FIGN: variants seen among roughly 807,000 people sequenced by gnomAD.
The protein encoded by FIGN is fidgetin.
A neutral mutation model predicts 51.3 loss-of-function variants in FIGN; 11 were observed. The ratio of observed to expected loss-of-function variants is 0.21; its 90% CI spans 0.13 to 0.35. The LOEUF (loss-of-function observed/expected upper bound fraction) is 0.35, where lower values mean the gene tolerates loss of function less well. Among genes scored for constraint, FIGN ranks in the 10% least tolerant of loss-of-function variants. FIGN has a pLI of 1.00. For synonymous variants in FIGN, 407 were observed against 363.2 expected (o/e 1.12, Z -1.37); for missense variants, 857 against 943.6 (o/e 0.91, Z 1.20).
chr2:163,684,522 C>T (rs1052831256), intron 2 of FIGN, among the ~76,000 whole-genome samples: 1 of 152,080 alleles, frequency 6.6e-6, no homozygotes, highest in Non-Finnish European at 1.5e-5. Flanking sequence ...GAATTTAACC[C>T]ATTAGGTCTC....
At chr2:163,702,652 C>T (rs1048589376) in intron 2 of FIGN, among the ~76,000 whole-genome samples, 20 of 152,024 alleles carry the variant, frequency 1.3e-4, no homozygotes, top group Non-Finnish European at 2.2e-4. Context: ...CAATTATGAA[C>T]ATCATATGAT....
chr2:163,695,408 C>T (rs1162042154), intron 2 of FIGN, among the ~76,000 whole-genome samples: 2 of 152,164 alleles, frequency 1.3e-5, no homozygotes, highest in African/African-American at 2.4e-5. Flanking sequence ...CTCTCCCCAC[C>T]TTCTCTTATT....
intron 2 of FIGN, among the ~76,000 whole-genome samples, chr2:163,704,613 C>CTCTCTCTT: frequency 1.2e-5 from 1 of 80,388 alleles, no homozygotes; most frequent in East Asian, 4.1e-4. Context: ...AACCCACAGA[C>CTCTCTCTT]TGTCTCTCTC....
At chr2:163,626,107 C>T (rs1433321363) in intron 2 of FIGN, among the ~76,000 whole-genome samples, 3 of 152,024 alleles carry the variant, frequency 2.0e-5, no homozygotes, top group Non-Finnish European at 4.4e-5. Context: ...ATCAATAGGG[C>T]CATGAGAACC....
intron 2 of FIGN, among the ~76,000 whole-genome samples, chr2:163,634,223 A>T (rs1215949857): frequency 6.6e-6 from 1 of 151,978 alleles, no homozygotes; most frequent in African/African-American, 2.4e-5. Context: ...AACATAAATA[A>T]AGTGACCATT....
intron 2 of FIGN, among the ~76,000 whole-genome samples, chr2:163,654,911 AAGG>A (rs145556081): frequency 0.021 from 3,138 of 152,260 alleles, 105 homozygotes; most frequent in African/African-American, 0.071. Flanking sequence ...TTTATTCCCA[AAGG>A]AGGAGCGTAC....
At chr2:163,619,055 A>T (rs1017164060) in intron 2 of FIGN, among the ~76,000 whole-genome samples, 10 of 152,124 alleles carry the variant, frequency 6.6e-5, no homozygotes, top group African/African-American at 2.2e-4. Context: ...TGGTATCTTA[A>T]AAAACTGGTC....
intron 2 of FIGN, among the ~76,000 whole-genome samples, chr2:163,652,635 A>G (rs533070079): frequency 5.5e-4 from 84 of 152,286 alleles, no homozygotes; most frequent in African/African-American, 1.8e-3. Context: ...AAAGAAGTTT[A>G]TGTAGTTTTT....
In FIGN at chr2:163,734,901, A is replaced by G; in HGVS notation, c.25+2T>C. The G allele has an allele frequency of 6.2e-7, 1 of 1,608,442 alleles. No homozygotes were observed. The highest frequency in any genetic ancestry group is 1.3e-5 in the African/African-American group (1 of 74,674). ...AGGAAGTAAATTCCAAAACTGACATACCATAAACACTGGTGCTACTGATCA... is the reference window on the plus strand; with the variant it reads ...AGGAAGTAAATTCCAAAACTGACATGCCATAAACACTGGTGCTACTGATCA... On this transcript the variant is annotated splice_donor_variant, in intron 2 of 2. Transcript: ENST00000333129. LOFTEE classifies it high-confidence loss of function.
chr2:163,690,433 G>A (rs1030126148), intron 2 of FIGN, among the ~76,000 whole-genome samples: 10 of 152,218 alleles, frequency 6.6e-5, no homozygotes, highest in Admixed American at 1.3e-4. Context: ...TCAAAAAGCC[G>A]TAGAGCTGGG....
At chr2:163,683,013 T>C (rs1256312992) in intron 2 of FIGN, among the ~76,000 whole-genome samples, 11 of 152,170 alleles carry the variant, frequency 7.2e-5, no homozygotes, top group Admixed American at 4.6e-4. Context: ...TCTGTTCTAA[T>C]GAAATCTTAA....
chr2:163,628,366 T>C lies in FIGN; in HGVS notation c.26-16560A>G, dbSNP rs143707445. 3.3e-5 allele frequency among the ~76,000 whole-genome samples: 5 copies of C among 152,274 alleles called. No individual in the cohort carries two copies. In the East Asian group the frequency reaches 9.7e-4, roughly 29 times the overall value. ...TGACAAAAGTTGGTCAAAAGCACGA[T>C]GAAGCCAAGTATGCATGACAGGTTC... On this transcript the variant is annotated intron_variant, in intron 2 of 2. Transcript: ENST00000333129.
intron 2 of FIGN, among the ~76,000 whole-genome samples, chr2:163,640,506 C>G (rs2105316143): frequency 6.6e-6 from 1 of 152,144 alleles, no homozygotes; most frequent in East Asian, 1.9e-4. Flanking sequence ...GCTCAGGAAA[C>G]AATCATTTTT....
chr2:163,610,922 C>T lies in FIGN; in HGVS notation c.910G>A (p.Ala304Thr), dbSNP rs760195152. ...GAACTGTTTGTCAGAGCCGACGGTG[C>T]AATAGGTGTCAAACCATGGCCCTGG... Reference protein sequence around the residue: ...TYQGHGLTPIAPSALTNSSAS... With the variant: ...TYQGHGLTPITPSALTNSSAS... The change falls in exon 3 of 3, where the codon GCA becomes ACA. Residue 304 changes from alanine to threonine, a missense_variant. Ala to Thr is a moderately conservative substitution (Grantham distance 58). This residue lies in a region of FIGN where 799 missense variants were observed against 849.5 expected (regional missense o/e 0.94). Coordinates refer to ENST00000333129, the MANE Select transcript of FIGN (RefSeq NM_018086.4). 1.2e-6 allele frequency: 2 copies of T among 1,610,456 alleles called. No homozygotes were observed. Among genetic ancestry groups the T allele is most frequent in the Non-Finnish European group, 1.7e-6 (2 of 1,179,348 alleles).
At chr2:163,698,443 C>T (rs974574997) in intron 2 of FIGN, among the ~76,000 whole-genome samples, 1 of 151,992 alleles carries the variant, frequency 6.6e-6, no homozygotes. Flanking sequence ...TTTTAGAATG[C>T]CAGCCCCAAG....
intron 2 of FIGN, among the ~76,000 whole-genome samples, chr2:163,698,861 A>T (rs916548434): frequency 9.9e-5 from 15 of 152,184 alleles, no homozygotes; most frequent in Admixed American, 8.5e-4. Context: ...TCCCGTCAGT[A>T]AGAAAGACGT....
intron 2 of FIGN, among the ~76,000 whole-genome samples, chr2:163,700,418 A>C (rs1684390776): frequency 6.6e-6 from 1 of 152,162 alleles, no homozygotes. Flanking sequence ...GGGCTCTGAA[A>C]TATAGTTTCA....
chr2:163,716,806 C>T (rs1242887416), intron 2 of FIGN, among the ~76,000 whole-genome samples: 2 of 152,054 alleles, frequency 1.3e-5, no homozygotes, highest in South Asian at 2.1e-4. Context: ...ATTTTTATTT[C>T]AGCATTTATT....
At chr2:163,689,381 A>G (rs1390174843) in intron 2 of FIGN, among the ~76,000 whole-genome samples, 1 of 152,118 alleles carries the variant, frequency 6.6e-6, no homozygotes, top group African/African-American at 2.4e-5. Flanking sequence ...GTCTTGATCC[A>G]TATGTGGTTT....
Sources: gnomAD v4.1 joint callset for allele counts (sites outside exome capture counted in the v4.1 genomes callset) on GRCh38, gnomAD v4.1.1 for gene constraint, gnomAD v4.1.1 regional missense constraint, MANE v1.5 for transcripts, NCBI Gene and HGNC (gene_info 2026-07-23, HGNC 2026-07-21) for gene names.